Variants in PLCB1 observed in about 807,000 individuals in gnomAD.
The protein encoded by PLCB1 is phospholipase C beta 1.
A neutral mutation model predicts 161.8 loss-of-function variants in PLCB1; 46 were observed. The observed-to-expected ratio is 0.28, with a 90% confidence interval of 0.22 to 0.36. PLCB1 has a LOEUF of 0.36. Among genes scored for constraint, PLCB1 ranks in the 10% least tolerant of loss-of-function variants. The probability of loss-of-function intolerance (pLI) is 1.00; values close to 1 mark genes in which losing one functional copy is unlikely to be tolerated. For synonymous variants in PLCB1, 517 were observed against 503.7 expected (o/e 1.03, Z -0.35); for missense variants, 1,016 against 1,472.5 (o/e 0.69, Z 5.07).
intron 3 of PLCB1, among the ~76,000 whole-genome samples, chr20:8,569,753 C>T (rs779039346): frequency 4.2e-4 from 64 of 152,062 alleles, no homozygotes; most frequent in Middle Eastern, 3.2e-3. Context: ...AAATGATGCA[C>T]AAAAGTATAC....
At chr20:8,680,728 A>T (rs1242394656) in intron 9 of PLCB1, among the ~76,000 whole-genome samples, 3 of 152,098 alleles carry the variant, frequency 2.0e-5, no homozygotes, top group Admixed American at 6.6e-5. Flanking sequence ...TTCACCAGGG[A>T]TTTTTAAATT....
chr20:8,549,123 C>A (rs932176096), intron 3 of PLCB1, among the ~76,000 whole-genome samples: 1 of 152,122 alleles, frequency 6.6e-6, no homozygotes, highest in African/African-American at 2.4e-5. Context: ...ATGTAACAAG[C>A]CTGCATGTTC....
intron 2 of PLCB1, among the ~76,000 whole-genome samples, chr20:8,316,204 G>A (rs1984643483): frequency 6.6e-6 from 1 of 152,108 alleles, no homozygotes. Flanking sequence ...ACATTCTGGG[G>A]GAAGATGTTA....
intron 31 of PLCB1, among the ~76,000 whole-genome samples, chr20:8,812,546 G>A (rs541102501): frequency 6.6e-5 from 10 of 152,290 alleles, no homozygotes; most frequent in South Asian, 4.1e-4. Context: ...AGACTCTACC[G>A]GGGCATCTCG....
intron 2 of PLCB1, among the ~76,000 whole-genome samples, chr20:8,307,494 G>T (rs1984186594): frequency 6.6e-6 from 1 of 152,096 alleles, no homozygotes; most frequent in Non-Finnish European, 1.5e-5. Flanking sequence ...ATGTTAATGA[G>T]GTTTTGAACT....
intron 2 of PLCB1, among the ~76,000 whole-genome samples, chr20:8,202,069 G>C (rs968267108): frequency 4.6e-5 from 7 of 152,096 alleles, no homozygotes; most frequent in Non-Finnish European, 8.8e-5. Context: ...TTGTTCTTTT[G>C]TTTGTGTATT....
chr20:8,712,678 T>G (rs1979083803), intron 12 of PLCB1, among the ~76,000 whole-genome samples: 1 of 152,240 alleles, frequency 6.6e-6, no homozygotes, highest in Non-Finnish European at 1.5e-5. Flanking sequence ...GGTTCTTAAT[T>G]TCCATGGATT....
chr20:8,150,772 C>A (rs1019265872), intron 2 of PLCB1, among the ~76,000 whole-genome samples: 37 of 152,116 alleles, frequency 2.4e-4, no homozygotes, highest in African/African-American at 8.9e-4. Flanking sequence ...CTTTCTCTCT[C>A]TTTTCCCCTG....
At chr20:8,577,660 A>G (rs1986718049) in intron 3 of PLCB1, among the ~76,000 whole-genome samples, 1 of 152,170 alleles carries the variant, frequency 6.6e-6, no homozygotes, top group Non-Finnish European at 1.5e-5. Context: ...TTTAAAATAA[A>G]TTTTAAAAGC....
chr20:8,650,681 C>T (rs1056260719), intron 7 of PLCB1, among the ~76,000 whole-genome samples: 19 of 151,932 alleles, frequency 1.3e-4, no homozygotes, highest in African/African-American at 1.9e-4. Context: ...AGTGTGAAGC[C>T]GTTATGTTTA....
At chr20:8,642,504 C>T (rs1988987650) in intron 4 of PLCB1, among the ~76,000 whole-genome samples, 1 of 152,170 alleles carries the variant, frequency 6.6e-6, no homozygotes, top group Non-Finnish European at 1.5e-5. Flanking sequence ...TTACTCACAT[C>T]ACACACTGCC....
At chr20:8,786,848 C>T (rs935109854) in intron 27 of PLCB1, among the ~76,000 whole-genome samples, 1 of 152,018 alleles carries the variant, frequency 6.6e-6, no homozygotes, top group Admixed American at 6.6e-5. Flanking sequence ...GGATTACAGG[C>T]ACCCACCACC....
chr20:8,159,892 G>T (rs964897223), intron 2 of PLCB1, among the ~76,000 whole-genome samples: 1 of 149,988 alleles, frequency 6.7e-6, no homozygotes, highest in Non-Finnish European at 1.5e-5. Flanking sequence ...GAAGGCTGAG[G>T]CAGGTGAATC....
intron 3 of PLCB1, among the ~76,000 whole-genome samples, chr20:8,455,582 C>A (rs192173852): frequency 0.02 from 2,962 of 150,996 alleles, 91 homozygotes; most frequent in African/African-American, 0.069. Context: ...CTGGGACTAC[C>A]GGCACCCGCC....
intron 2 of PLCB1, among the ~76,000 whole-genome samples, chr20:8,307,993 A>G (rs1317184596): frequency 6.6e-6 from 1 of 151,990 alleles, no homozygotes; most frequent in Non-Finnish European, 1.5e-5. Context: ...CCTTTTCTAG[A>G]GCTATTTGTT....
chr20:8,764,155 A>C (rs1982194321), intron 25 of PLCB1, among the ~76,000 whole-genome samples: 1 of 152,124 alleles, frequency 6.6e-6, no homozygotes. Context: ...CAACAGAGCA[A>C]GACTCTGTCT....
chr20:8,522,813 A>G (rs978016380), intron 3 of PLCB1, among the ~76,000 whole-genome samples: 2 of 152,208 alleles, frequency 1.3e-5, no homozygotes, highest in Non-Finnish European at 2.9e-5. Context: ...ACATAGGAGG[A>G]TAATTAAGAT....
intron 3 of PLCB1, among the ~76,000 whole-genome samples, chr20:8,551,295 G>C (rs993245628): frequency 6.6e-6 from 1 of 152,164 alleles, no homozygotes; most frequent in Non-Finnish European, 1.5e-5. Flanking sequence ...GAGCAATACA[G>C]ACTGGCTCAA....
At chr20:8,411,362 T>C (rs1979034578) in intron 3 of PLCB1, among the ~76,000 whole-genome samples, 1 of 152,354 alleles carries the variant, frequency 6.6e-6, no homozygotes, top group East Asian at 1.9e-4. Flanking sequence ...CATGCCTCTT[T>C]ACCTTTTTAA....
Sources: gnomAD v4.1 joint callset for allele counts (sites outside exome capture counted in the v4.1 genomes callset) on GRCh38, gnomAD v4.1.1 for gene constraint, MANE v1.5 for transcripts, NCBI Gene and HGNC (gene_info 2026-07-23, HGNC 2026-07-21) for gene names.